Variants in MIPOL1 observed in about 807,000 individuals in gnomAD.
The protein encoded by MIPOL1 is mirror-image polydactyly gene 1 protein.
A neutral mutation model predicts 60.9 loss-of-function variants in MIPOL1; 57 were observed. The ratio of observed to expected loss-of-function variants is 0.94; its 90% CI spans 0.76 to 1.17. The LOEUF is 1.17. Among genes scored for constraint, MIPOL1 ranks in the 50% most tolerant of loss-of-function variants. The probability of loss-of-function intolerance (pLI) is 0.00; values close to 1 mark genes in which losing one functional copy is unlikely to be tolerated. For synonymous variants in MIPOL1, 179 were observed against 168.8 expected (o/e 1.06, Z -0.47); for missense variants, 551 against 511.6 (o/e 1.08, Z -0.74).
chr14:37,438,222 G>A (rs1277963701), intron 11 of MIPOL1, among the ~76,000 whole-genome samples: 1 of 152,118 alleles, frequency 6.6e-6, no homozygotes, highest in Non-Finnish European at 1.5e-5. Context: ...TGAAAAACAT[G>A]TTTTCCAAAG....
intron 1 of MIPOL1, among the ~76,000 whole-genome samples, chr14:37,225,402 G>A (rs1272667661): frequency 6.6e-6 from 1 of 152,184 alleles, no homozygotes; most frequent in Non-Finnish European, 1.5e-5. Context: ...TACATCCTCT[G>A]AAATCTAGGC....
chr14:37,298,223 G>C (rs1263508969), intron 7 of MIPOL1, among the ~76,000 whole-genome samples: 2 of 152,250 alleles, frequency 1.3e-5, no homozygotes, highest in East Asian at 3.9e-4. Flanking sequence ...TTTAATAAAT[G>C]GTGCTGGGAA....
At chr14:37,467,928 C>T (rs1315057931) in intron 11 of MIPOL1, among the ~76,000 whole-genome samples, 1 of 151,724 alleles carries the variant, frequency 6.6e-6, no homozygotes, top group Non-Finnish European at 1.5e-5. Context: ...GTGGTGTGCG[C>T]CTGTAATCCC....
At chr14:37,327,056 C>A (rs2089230489) in intron 9 of MIPOL1, among the ~76,000 whole-genome samples, 1 of 151,976 alleles carries the variant, frequency 6.6e-6, no homozygotes, top group Non-Finnish European at 1.5e-5. Flanking sequence ...AGAGTAATAA[C>A]CAATAAATAT....
chr14:37,498,127 C>T (rs1431704732), intron 11 of MIPOL1, among the ~76,000 whole-genome samples: 3 of 151,948 alleles, frequency 2.0e-5, no homozygotes, highest in Non-Finnish European at 2.9e-5. Flanking sequence ...ATAAGCCAGA[C>T]AAAAAGTTTA....
At chr14:37,268,461 A>G (rs1218555186) in intron 4 of MIPOL1, among the ~76,000 whole-genome samples, 197 bp from the exon 5 acceptor site, 1 of 152,126 alleles carries the variant, frequency 6.6e-6, no homozygotes, top group Non-Finnish European at 1.5e-5. Context: ...CCGTCACTAA[A>G]TTTCTTCTTA....
At chr14:37,485,628 T>G (rs541375151) in intron 11 of MIPOL1, among the ~76,000 whole-genome samples, 1 of 152,354 alleles carries the variant, frequency 6.6e-6, no homozygotes, top group Non-Finnish European at 1.5e-5. Flanking sequence ...ATTAATGTCT[T>G]CTTTTGAGAA....
intron 9 of MIPOL1, among the ~76,000 whole-genome samples, chr14:37,354,903 T>G: frequency 6.8e-5 from 3 of 43,926 alleles, no homozygotes; most frequent in Admixed American, 3.1e-4. Context: ...TTTAGTCCAT[T>G]TACATTTAAG....
intron 12 of MIPOL1, among the ~76,000 whole-genome samples, chr14:37,540,198 G>A (rs1250380218): frequency 6.6e-6 from 1 of 152,108 alleles, no homozygotes; most frequent in Non-Finnish European, 1.5e-5. Flanking sequence ...CTTTCTAACA[G>A]TTCTTGTTTT....
At chr14:37,518,177 C>G (rs2095385158) in intron 12 of MIPOL1, among the ~76,000 whole-genome samples, 1 of 151,940 alleles carries the variant, frequency 6.6e-6, no homozygotes, top group African/African-American at 2.4e-5. Flanking sequence ...GTTATTAGCC[C>G]TACTGGTATT....
At chr14:37,419,390 G>T (rs2093829156) in intron 10 of MIPOL1, among the ~76,000 whole-genome samples, 1 of 152,156 alleles carries the variant, frequency 6.6e-6, no homozygotes, top group Non-Finnish European at 1.5e-5. Flanking sequence ...CCATTTGGGG[G>T]TAACAAGAAT....
chr14:37,288,994 A>T (rs2153414483), intron 7 of MIPOL1, among the ~76,000 whole-genome samples: 1 of 152,338 alleles, frequency 6.6e-6, no homozygotes, highest in African/African-American at 2.4e-5. Context: ...ACATTAAAAA[A>T]TCTGTAAAAG....
At chr14:37,363,918 G>A (rs760860555) in intron 9 of MIPOL1, among the ~76,000 whole-genome samples, 6 of 152,170 alleles carry the variant, frequency 3.9e-5, no homozygotes, top group Non-Finnish European at 5.9e-5. Context: ...GCCATGTTCC[G>A]TGGGCATGTG....
At chr14:37,312,942 A>C (rs1327194077) in intron 9 of MIPOL1, among the ~76,000 whole-genome samples, 1 of 152,182 alleles carries the variant, frequency 6.6e-6, no homozygotes, top group Non-Finnish European at 1.5e-5. Flanking sequence ...ACAAACAAAA[A>C]ATTTAGAATT....
chr14:37,356,306 T>G (rs1482311773), intron 9 of MIPOL1, among the ~76,000 whole-genome samples: 1 of 151,664 alleles, frequency 6.6e-6, no homozygotes, highest in Non-Finnish European at 1.5e-5. Flanking sequence ...ACTGCTCTCT[T>G]CAAAGCTGTC....
chr14:37,456,129 G>A (rs2094474184), intron 11 of MIPOL1, among the ~76,000 whole-genome samples: 1 of 151,724 alleles, frequency 6.6e-6, no homozygotes, highest in African/African-American at 2.4e-5. Flanking sequence ...ACTTTTTTGT[G>A]AAGTTATCAT....
At chr14:37,538,117 G>A (rs1472261210) in intron 12 of MIPOL1, among the ~76,000 whole-genome samples, 1 of 152,150 alleles carries the variant, frequency 6.6e-6, no homozygotes, top group East Asian at 1.9e-4. Context: ...AGTATGCTCT[G>A]ACAGCCAAAC....
chr14:37,224,764 C>CT (rs1443724674), intron 1 of MIPOL1, among the ~76,000 whole-genome samples: 2 of 152,164 alleles, frequency 1.3e-5, no homozygotes, highest in Admixed American at 6.5e-5. Context: ...CATGCCTTCT[C>CT]AACAGTCCCC....
intron 7 of MIPOL1, among the ~76,000 whole-genome samples, chr14:37,299,400 T>A (rs1169705664): frequency 3.3e-5 from 5 of 151,876 alleles, no homozygotes; most frequent in Non-Finnish European, 4.4e-5. Context: ...GTAACAAACC[T>A]GCACGTTGTG....
Sources: allele counts gnomAD v4.1 joint callset (sites outside exome capture counted in the v4.1 genomes callset), GRCh38; gene constraint gnomAD v4.1.1; transcripts MANE v1.5; gene names NCBI Gene and HGNC (gene_info 2026-07-23, HGNC 2026-07-21).